ALG13: variants seen among roughly 807,000 people sequenced by gnomAD.
The protein encoded by ALG13 is UDP-N-acetylglucosamine transferase subunit ALG13.
In ALG13, 11 loss-of-function variants were observed where a neutral mutation model predicts 87.8. The observed-to-expected ratio is 0.13, with a 90% CI of 0.08 to 0.21. The LOEUF is 0.21. Among genes scored for constraint, ALG13 ranks in the 10% least tolerant of loss-of-function variants. The probability of loss-of-function intolerance (pLI) is 1.00; values close to 1 mark genes in which losing one functional copy is unlikely to be tolerated. For synonymous variants in ALG13, 320 were observed against 306.3 expected, an observed-to-expected ratio of 1.04 and a Z score of -0.47; for missense variants, 756 against 866.1, an observed-to-expected ratio of 0.87 and a Z score of 1.60.
At chrX:111,695,314 G>A (rs1288427313) in intron 3 of ALG13, among the ~76,000 whole-genome samples, 1 of 110,834 alleles carries the variant, frequency 9.0e-6, no homozygotes, top group Non-Finnish European at 1.9e-5. Flanking sequence ...AGCTGAGGTC[G>A]GGAGCTTGAG....
chrX:111,691,400 C>T (rs1226470867), intron 3 of ALG13, among the ~76,000 whole-genome samples: 4 of 111,514 alleles, frequency 3.6e-5, no homozygotes, highest in African/African-American at 1.3e-4. Flanking sequence ...CACACCCGGC[C>T]GTAATACGAT....
chrX:111,742,261 T>C (rs1943818125), intron 23 of ALG13, among the ~76,000 whole-genome samples: 1 of 110,932 alleles, frequency 9.0e-6, no homozygotes, highest in Non-Finnish European at 1.9e-5. Context: ...GCCCCTTCCA[T>C]CCTTAAGTGA....
At chrX:111,723,690 A>G in intron 13 of ALG13, 108 bp from the exon 14 acceptor site, 1 of 481,775 alleles carries the variant, frequency 2.1e-6, no homozygotes, top group South Asian at 3.4e-5. Flanking sequence ...GTTGATACGA[A>G]TTACTTTAAA....
intron 24 of ALG13, among the ~76,000 whole-genome samples, chrX:111,748,639 C>G (rs1169794689): frequency 1.8e-5 from 2 of 111,966 alleles, no homozygotes; most frequent in Middle Eastern, 4.6e-3. Flanking sequence ...TGCATATTCT[C>G]TATGCTAGTC....
chrX:111,688,692 C>T (rs1039043863), intron 3 of ALG13: 3 of 748,150 alleles, frequency 4.0e-6, no homozygotes, highest in East Asian at 1.5e-4. Flanking sequence ...TTAAGGATCT[C>T]CTCTCACAGT....
At chrX:111,751,409 C>T (rs769187178) in intron 24 of ALG13, among the ~76,000 whole-genome samples, 1 of 111,731 alleles carries the variant, frequency 9.0e-6, no homozygotes, top group East Asian at 2.8e-4. Flanking sequence ...ACTGGGAAAC[C>T]AAAAAATTGG....
rs747634982 is a variant in ALG13 at position 111,696,896 on chromosome X, C to T, written c.384-11131C>T. On this transcript the variant is annotated intron_variant, in intron 3 of 26. Coordinates refer to ENST00000394780, the MANE Select transcript of ALG13 (RefSeq NM_001099922.3). ...TACTTAGATGTCAAAGGGAATAATT[C>T]CATTAGGGATGGGGAAACAGGATAT... Among the ~76,000 whole-genome samples the T allele has an allele frequency of 5.5e-5, 6 of 109,698 alleles. No homozygotes were observed. In the South Asian group the frequency reaches 2.4e-3, roughly 43 times the overall value.
chrX:111,746,112 C>A (rs750240716), intron 24 of ALG13, among the ~76,000 whole-genome samples: 1 of 111,699 alleles, frequency 9.0e-6, no homozygotes, highest in African/African-American at 3.2e-5. Flanking sequence ...AAATTGTAGA[C>A]ATTTGTACAC....
rs749754348 is a variant in ALG13 at position 111,719,418 on chromosome X, AAGGACTTC to A, written c.1251-673_1251-666del. On this transcript the variant is annotated intron_variant, in intron 10 of 26. Coordinates refer to ENST00000394780, the MANE Select transcript of ALG13 (RefSeq NM_001099922.3). The stretch of plus-strand genomic sequence containing the variant: ...TCACTCTTCACTGATCACTTGTCTT[AAGGACTTC>A]AGGCTTACGGAAACTACAGTAGTCG... 1.4e-4 allele frequency among the ~76,000 whole-genome samples: 16 copies of A among 112,194 alleles called. No homozygotes were observed. The South Asian group carries it at 5.6e-3, about 39-fold the overall frequency.
intron 24 of ALG13, among the ~76,000 whole-genome samples, chrX:111,747,229 T>C (rs1367083016): frequency 8.9e-6 from 1 of 112,209 alleles, no homozygotes; most frequent in East Asian, 2.8e-4. Flanking sequence ...CTGCCTATTA[T>C]TATTCATCCC....
intron 25 of ALG13, among the ~76,000 whole-genome samples, chrX:111,755,062 C>T (rs371522786): frequency 3.6e-5 from 4 of 111,596 alleles, no homozygotes; most frequent in East Asian, 2.8e-4. Context: ...GGTACTGGTA[C>T]CAAAACAGGT....
In ALG13 at chrX:111,681,215, C is replaced by A. The variant is rs752152907; in HGVS notation, c.-4C>A. 3 of 1,210,935 alleles carry A rather than the reference C, an allele frequency of 2.5e-6. No individual in the cohort carries two copies. The highest frequency in any genetic ancestry group is 3.4e-6 in the Non-Finnish European group (3 of 894,469). On this transcript the variant is annotated 5_prime_UTR_variant, in exon 1 of 27. Transcript: ENST00000394780. ...TTGCGATCAGGGCTTGAGGAACCCG[C>A]GCCATGAAGTGCGTGTTTGTTACCG...
At chrX:111,713,093 A>G (rs1479148580) in intron 7 of ALG13, 132 bp from the exon 8 acceptor site, 3 of 440,481 alleles carry the variant, frequency 6.8e-6, no homozygotes, top group South Asian at 4.1e-5. Context: ...AAAGCCAAAC[A>G]TTAAACCGGA....
chrX:111,686,264 A>G (rs1446476797), intron 3 of ALG13: 15 of 404,069 alleles, frequency 3.7e-5, no homozygotes, highest in East Asian at 5.0e-5. Flanking sequence ...ATATATGTGT[A>G]TATATATATT....
intron 1 of ALG13, 195 bp from the exon 2 acceptor site, chrX:111,681,937 C>A: frequency 2.3e-6 from 2 of 867,232 alleles, no homozygotes; most frequent in South Asian, 5.3e-5. Context: ...CGCTTAGATT[C>A]ATGAGTGCTT....
rs1261938776 is a variant in ALG13, at chrX:111,757,478, C to T, written c.2974-110C>T. ...AGTCATTGCTACCTCACCTGAAAAT[C>T]GTGGCCCAATTCTTATTTTTTTTTT... On this transcript the variant is annotated intron_variant, in intron 25 of 26. Coordinates refer to ENST00000394780, the MANE Select transcript of ALG13 (RefSeq NM_001099922.3). 7.5e-5 allele frequency: 43 copies of T among 573,715 alleles called. No individual in the cohort carries two copies. In the Admixed American group the frequency reaches 2.2e-3, roughly 29 times the overall value. The allele number at this position is 573,715 out of a possible 1,213,427, so 47.3% of individuals were successfully genotyped here.
chrX:111,746,633 A>T (rs1035469128), intron 24 of ALG13, among the ~76,000 whole-genome samples: 1 of 112,270 alleles, frequency 8.9e-6, no homozygotes, highest in Non-Finnish European at 1.9e-5. Flanking sequence ...TAACAAAAAA[A>T]GCTGCTATGA....
At chrX:111,708,720 G>A (rs746578413) in intron 4 of ALG13, among the ~76,000 whole-genome samples, 1 of 111,522 alleles carries the variant, frequency 9.0e-6, no homozygotes, top group Non-Finnish European at 1.9e-5. Context: ...TAATTTTAAT[G>A]CCTAAGAAAA....
intron 23 of ALG13, among the ~76,000 whole-genome samples, chrX:111,741,293 A>C (rs1029490744): frequency 9.0e-6 from 1 of 111,655 alleles, no homozygotes; most frequent in African/African-American, 3.3e-5. Flanking sequence ...ACATTCAAGA[A>C]ATATCCAATT....
Sources: gnomAD v4.1 joint callset for allele counts (sites outside exome capture counted in the v4.1 genomes callset) on GRCh38, gnomAD v4.1.1 for gene constraint, MANE v1.5 for transcripts, NCBI Gene and HGNC (gene_info 2026-07-23, HGNC 2026-07-21) for gene names.